The following ERICH6B variants were observed in gnomAD, a reference collection of about 807,000 sequenced individuals.
The protein encoded by ERICH6B is glutamate rich 6B, also known as glutamate-rich protein 6B.
In ERICH6B, 69 loss-of-function variants were observed where a neutral mutation model predicts 80.0. That is an observed-to-expected ratio of 0.86 (90% CI 0.71 to 1.05). The LOEUF (loss-of-function observed/expected upper bound fraction) is 1.05. ERICH6B is among the 50% of genes least tolerant of loss of function. The pLI is 0.00. For missense variants in ERICH6B, 754 were observed against 796.1 expected (o/e 0.95, Z 0.64); for synonymous variants, 283 against 291.9 (o/e 0.97, Z 0.31).
At chr13:45,576,186 G>A (rs892574928) in intron 7 of ERICH6B, among the ~76,000 whole-genome samples, 2 of 152,210 alleles carry the variant, frequency 1.3e-5, no homozygotes, top group East Asian at 1.9e-4. Flanking sequence ...TTACTGGGCT[G>A]GGGCTGCGTT....
At chr13:45,561,265 T>G in intron 11 of ERICH6B, 104 bp downstream of exon 11, 2 of 1,162,414 alleles carry the variant, frequency 1.7e-6, no homozygotes, top group Non-Finnish European at 2.4e-6. Context: ...TGTGTTTACA[T>G]TGTGTGTTGT....
chr13:45,547,341 G>T (rs547608603), intron 13 of ERICH6B, among the ~76,000 whole-genome samples: 1 of 152,332 alleles, frequency 6.6e-6, no homozygotes, highest in South Asian at 2.1e-4. Flanking sequence ...TCCCATCAGA[G>T]TTCTCACACT....
chr13:45,545,814 C>A (rs1873969573), intron 13 of ERICH6B, among the ~76,000 whole-genome samples: 1 of 152,130 alleles, frequency 6.6e-6, no homozygotes, highest in African/African-American at 2.4e-5. Context: ...CAGAGCGTGG[C>A]CTTGTTCAAT....
Position 45,550,018 on chromosome 13 carries a change from G to T in ERICH6B, c.1521C>A (p.Leu507=). 1 of 1,551,872 alleles carries T rather than the reference G, an allele frequency of 6.4e-7. No homozygotes were observed. The highest frequency in any genetic ancestry group is 1.2e-5 in the South Asian group (1 of 84,014). ...IHYPSGNLAM[L]ILYAKMKKFT... The stretch of plus-strand genomic sequence containing the variant: ...ACTTTTTCATTTTCGCATATAAGAT[G>T]AGCATAGCCAGGTTTCCTGATGGAT... Residue 507 remains leucine (L), a synonymous_variant, in exon 13 of 15, where the codon CTC becomes CTA. Transcript: ENST00000298738.
At chr13:45,566,625 C>T (rs1241955787) in intron 9 of ERICH6B, among the ~76,000 whole-genome samples, 2 of 152,256 alleles carry the variant, frequency 1.3e-5, no homozygotes, top group African/African-American at 4.8e-5. Context: ...CCTGTGAGTG[C>T]ACAGAAGTCA....
intron 10 of ERICH6B, 135 bp downstream of exon 10, chr13:45,563,592 C>A (rs1258562451): frequency 3.5e-5 from 28 of 804,296 alleles, no homozygotes; most frequent in Non-Finnish European, 5.4e-5. Flanking sequence ...CAGCCAGGAC[C>A]ACATCAGCCC....
intron 8 of ERICH6B, among the ~76,000 whole-genome samples, chr13:45,574,602 T>A (rs1875302746): frequency 6.6e-6 from 1 of 152,172 alleles, no homozygotes; most frequent in Non-Finnish European, 1.5e-5. Context: ...GAGTTTTCTG[T>A]CTTGCCAGGT....
chr13:45,578,517 A>C, intron 7 of ERICH6B, among the ~76,000 whole-genome samples: 1 of 152,256 alleles, frequency 6.6e-6, no homozygotes, highest in Admixed American at 6.5e-5. Flanking sequence ...GTAAGTGATT[A>C]GTAAGCAACT....
chr13:45,609,504 G>T (rs1949887667), intron 1 of ERICH6B, among the ~76,000 whole-genome samples: 1 of 152,138 alleles, frequency 6.6e-6, no homozygotes, highest in Admixed American at 6.6e-5. Flanking sequence ...CATAATATTT[G>T]TTACTCCTGA....
Position 45,596,883 on chromosome 13 carries a change from T to C in ERICH6B, c.123A>G (p.Glu41=). ...AAAATGGAGATTCATCCTGTAGACT[T>C]TCCTCATCTAGTTCTACTTCAGTAT... ...KEDTEVELDE[E]SLQDESPFSP... The change falls in exon 3 of 15, where the codon GAA becomes GAG. Residue 41 remains glutamate (E), a synonymous_variant. Coordinates refer to ENST00000298738, the MANE Select transcript of ERICH6B (RefSeq NM_182542.3). The C allele has an allele frequency of 1.3e-6, 2 of 1,551,878 alleles. No individual in the cohort carries two copies. Among genetic ancestry groups the C allele is most frequent in the African/African-American group, 2.7e-5 (2 of 73,188 alleles).
At chr13:45,612,721 T>G (rs1949906846) in intron 1 of ERICH6B, among the ~76,000 whole-genome samples, 2 of 152,158 alleles carry the variant, frequency 1.3e-5, no homozygotes, top group African/African-American at 4.8e-5. Context: ...GCAGCTGCCT[T>G]GGCTAGAGGG....
intron 9 of ERICH6B, among the ~76,000 whole-genome samples, chr13:45,564,044 G>A (rs374557804): frequency 4.6e-5 from 7 of 152,140 alleles, no homozygotes; most frequent in African/African-American, 7.2e-5. Flanking sequence ...TAAACCCTTC[G>A]AAACGAATTC....
chr13:45,593,761 C>A (rs930219591), intron 3 of ERICH6B, among the ~76,000 whole-genome samples: 1 of 152,194 alleles, frequency 6.6e-6, no homozygotes, highest in African/African-American at 2.4e-5. Flanking sequence ...GCTCCTGTGG[C>A]AGACATCACT....
rs1295263911 is a variant in ERICH6B at position 45,571,616 on chromosome 13, C to T, written c.1051-3165G>A. Among the ~76,000 whole-genome samples, 6 of 152,232 alleles carry T rather than the reference C, an allele frequency of 3.9e-5. No individual in the cohort carries two copies. In the East Asian group the frequency reaches 1.2e-3, roughly 29 times the overall value. The stretch of plus-strand genomic sequence containing the variant: ...ATGGTTGAATTGTATTTCCCTGCTT[C>T]CCTGCCACCCAAATTCATATGTTGA... On this transcript the variant is annotated intron_variant, in intron 8 of 14. Transcript: ENST00000298738.
At chr13:45,544,265 G>A (rs2137953150) in intron 14 of ERICH6B, among the ~76,000 whole-genome samples, 1 of 152,272 alleles carries the variant, frequency 6.6e-6, no homozygotes, top group East Asian at 1.9e-4. Flanking sequence ...AGAAGAGACG[G>A]GGTTTGACTG....
intron 7 of ERICH6B, among the ~76,000 whole-genome samples, chr13:45,579,252 A>G (rs144646267): frequency 9.4e-4 from 143 of 152,338 alleles, no homozygotes; most frequent in Non-Finnish European, 1.5e-3. Context: ...TAGAGTTTAC[A>G]AGAGTTTATT....
chr13:45,550,299 T>C lies in ERICH6B; in HGVS notation c.1425A>G (p.Gly475=). 3.2e-6 allele frequency: 5 copies of C among 1,551,576 alleles called. No homozygotes were observed. The highest frequency in any genetic ancestry group is 4.4e-6 in the Non-Finnish European group (5 of 1,146,882). ...QKKTVVHQGD[G]KLILYPNKNV... ...TCTTGTTGGGGTAGAGAATTAATTT[T>C]CCATCACCTTGATGCACCTGGGAAG... Residue 475 remains glycine (G), a synonymous_variant, in exon 12 of 15, where the codon GGA becomes GGG. Coordinates refer to ENST00000298738, the MANE Select transcript of ERICH6B (RefSeq NM_182542.3).
At chr13:45,586,506 C>A (rs773920484) in intron 5 of ERICH6B, among the ~76,000 whole-genome samples, 16 of 152,244 alleles carry the variant, frequency 1.1e-4, no homozygotes, top group Non-Finnish European at 2.1e-4. Context: ...ACCCTTAATG[C>A]AATTTTGCCG....
At chr13:45,571,126 C>T (rs1875147214) in intron 8 of ERICH6B, among the ~76,000 whole-genome samples, 1 of 152,164 alleles carries the variant, frequency 6.6e-6, no homozygotes, top group African/African-American at 2.4e-5. Flanking sequence ...ATATGTGCTG[C>T]CACAGCACCC....
Sources: allele counts gnomAD v4.1 joint callset (sites outside exome capture counted in the v4.1 genomes callset), GRCh38; gene constraint gnomAD v4.1.1; transcripts MANE v1.5; gene names NCBI Gene and HGNC (gene_info 2026-07-23, HGNC 2026-07-21).